H2BC4: variants seen among roughly 807,000 people sequenced by gnomAD.
H2BC4 encodes H2B clustered histone 4.
H2BC4 carries 10 observed loss-of-function variants against 6.2 expected under a neutral mutation model. The ratio of observed to expected loss-of-function variants is 1.61; its 90% CI spans 0.99 to 2.73. H2BC4 has a LOEUF of 2.73. Ranked by LOEUF, H2BC4 falls within the 30% of genes most tolerant of loss-of-function variation. The probability of loss-of-function intolerance (pLI) is 0.00; values close to 1 mark genes in which losing one functional copy is unlikely to be tolerated. For synonymous variants in H2BC4, 146 were observed against 70.7 expected (o/e 2.07, Z -5.35); for missense variants, 176 against 168.7 (o/e 1.04, Z -0.24).
rs1442730404 is a variant in H2BC4 at position 26,123,875 on chromosome 6, G to A, written c.30C>T (p.Ala10=). The part of the protein sequence containing the change: MPEPAKSAP[A]PKKGSKKAVT... ...CTGCCTTCTTGGAGCCCTTCTTCGG[G>A]GCGGGAGCAGACTTGGCTGGCTCAG... Residue 10 remains alanine, a synonymous_variant, in exon 1 of 1, where the codon GCC becomes GCT. Coordinates refer to ENST00000396984, the MANE Select transcript of H2BC4 (RefSeq NM_003526.3). The A allele has an allele frequency of 8.1e-6, 13 of 1,614,176 alleles. No homozygotes were observed. Among genetic ancestry groups the A allele is most frequent in the Non-Finnish European group, 1.1e-5 (13 of 1,180,034 alleles).
In H2BC4 at chr6:26,123,645, C is replaced by T. The variant is rs1439377363; in HGVS notation, c.260G>A (p.Arg87His). Residue 87 changes from arginine to histidine, a missense_variant, in exon 1 of 1, where the codon CGC becomes CAC. Arg to His is a conservative substitution (Grantham distance 29, BLOSUM62 0). Coordinates refer to ENST00000396984, the MANE Select transcript of H2BC4 (RefSeq NM_003526.3). Reference sequence around the variant, plus strand: ...GATCTCCCTGGAGGTGATGGTCGAGCGCTTGTTGTAATGCGCCAGGCGGGA... The same window carrying T: ...GATCTCCCTGGAGGTGATGGTCGAGTGCTTGTTGTAATGCGCCAGGCGGGA... Reference protein sequence around the residue: ...EASRLAHYNKRSTITSREIQT... With the variant: ...EASRLAHYNKHSTITSREIQT... The T allele has an allele frequency of 1.2e-6, 2 of 1,614,262 alleles. No homozygotes were observed. The highest frequency in any genetic ancestry group is 1.1e-5 in the South Asian group (1 of 91,088).
downstream of H2BC4, among the ~76,000 whole-genome samples, chr6:26,118,933 A>G (rs1581410695): frequency 6.6e-6 from 1 of 152,204 alleles, no homozygotes; most frequent in Non-Finnish European, 1.5e-5. Context: ...AATCATGGCT[A>G]TATAAAAATA....
chr6:26,118,489 G>A (rs1026908210), downstream of H2BC4, among the ~76,000 whole-genome samples: 10 of 152,170 alleles, frequency 6.6e-5, no homozygotes, highest in African/African-American at 2.4e-4. Flanking sequence ...CCTGCAAAAA[G>A]TTAGCATGCC....
At chr6:26,122,471 G>T (rs1773285), downstream of H2BC4, among the ~76,000 whole-genome samples, 24,934 of 152,156 alleles carry the variant, frequency 0.16, 2,190 homozygotes, top group African/African-American at 0.18. Flanking sequence ...AAAAGACCAT[G>T]AGTAAAATAC....
chr6:26,114,817 T>A (rs185811481), downstream of H2BC4: 1,058 of 151,938 alleles, frequency 7.0e-3, 9 homozygotes, highest in African/African-American at 0.021. Context: ...ATACATGATG[T>A]GAGATATATG....
chr6:26,123,631 A>G lies in H2BC4; in HGVS notation c.274T>C (p.Ser92Pro), dbSNP rs767421864. Residue 92 changes from serine (S) to proline (P), a missense_variant, in exon 1 of 1, where the codon TCC becomes CCC. Ser to Pro is a moderately conservative substitution (Grantham distance 74). Coordinates refer to ENST00000396984, the MANE Select transcript of H2BC4 (RefSeq NM_003526.3). The stretch of plus-strand genomic sequence containing the variant: ...CGCACGGCCGTCTGGATCTCCCTGG[A>G]GGTGATGGTCGAGCGCTTGTTGTAA... Reference protein sequence around the residue: ...AHYNKRSTITSREIQTAVRLL... With the variant: ...AHYNKRSTITPREIQTAVRLL... 2 of 1,614,078 alleles carry G rather than the reference A, an allele frequency of 1.2e-6. No individual in the cohort carries two copies. The highest frequency in any genetic ancestry group is 2.7e-5 in the African/African-American group (2 of 74,922).
At chr6:26,116,523 T>A (rs1287326779) in intron 1 of H2BC4, among the ~76,000 whole-genome samples, 1 of 151,980 alleles carries the variant, frequency 6.6e-6, no homozygotes, top group Non-Finnish European at 1.5e-5. Flanking sequence ...TAAGACCCCA[T>A]CTCTACAAAA....
At chr6:26,118,328 AAAGATCAGTTTGGTC>A (rs869176975) in intron 1 of H2BC4, among the ~76,000 whole-genome samples, 1 of 77,046 alleles carries the variant, frequency 1.3e-5, no homozygotes, top group Non-Finnish European at 3.8e-5. Flanking sequence ...CAGTTTGGTC[AAAGATCAGTTTGGTC>A]AACTTTAGTT....
At chr6:26,116,415 G>A (rs1763420783) in intron 1 of H2BC4, among the ~76,000 whole-genome samples, 1 of 152,140 alleles carries the variant, frequency 6.6e-6, no homozygotes, top group African/African-American at 2.4e-5. Flanking sequence ...AAGTGGGGCG[G>A]GGTACAGTGA....
chr6:26,116,045 CAA>C (rs1763414759), intron 1 of H2BC4, among the ~76,000 whole-genome samples: 1 of 151,938 alleles, frequency 6.6e-6, no homozygotes, highest in African/African-American at 2.4e-5. Context: ...AAAGTGAAAA[CAA>C]AAGTTTATTC....
downstream of H2BC4, chr6:26,123,336 C>CG: frequency 9.8e-7 from 1 of 1,022,684 alleles, no homozygotes; most frequent in South Asian, 1.9e-5. Context: ...TGGCTTCTTT[C>CG]GGGTTCAGGA....
chr6:26,120,268 T>C (rs1360054184), downstream of H2BC4, among the ~76,000 whole-genome samples: 2 of 152,114 alleles, frequency 1.3e-5, no homozygotes, highest in Non-Finnish European at 2.9e-5. Context: ...TTGGCCAACA[T>C]GGCGAAACCC....
downstream of H2BC4, chr6:26,123,433 T>C (rs1232280768): frequency 1.3e-6 from 2 of 1,561,512 alleles, no homozygotes; most frequent in Non-Finnish European, 1.7e-6. Flanking sequence ...CAAATAAAAT[T>C]TGGCGTCTGG....
chr6:26,114,085 G>C (rs1266504864), downstream of H2BC4, among the ~76,000 whole-genome samples: 2 of 152,024 alleles, frequency 1.3e-5, no homozygotes, highest in African/African-American at 4.8e-5. Flanking sequence ...TCAGTCCATA[G>C]TAAACACTTT....
At chr6:26,118,473 T>C (rs1763453127), downstream of H2BC4, among the ~76,000 whole-genome samples, 1 of 152,246 alleles carries the variant, frequency 6.6e-6, no homozygotes, top group African/African-American at 2.4e-5. Context: ...AGGTCCTTGT[T>C]ACAAACCTGC....
chr6:26,115,153 A>C (rs1339335416), intron 1 of H2BC4: 5 of 152,204 alleles, frequency 3.3e-5, no homozygotes, highest in Non-Finnish European at 5.9e-5. Context: ...AAAGAGAGAG[A>C]GTGATTGATT....
At chr6:26,123,459 T>A, downstream of H2BC4, 6 of 1,588,804 alleles carry the variant, frequency 3.8e-6, no homozygotes, top group Non-Finnish European at 5.1e-6. Context: ...GCTCTTTTAG[T>A]GGGTATCTGG....
At chr6:26,115,354 T>C (rs1763405588) in intron 1 of H2BC4, among the ~76,000 whole-genome samples, 2 of 152,188 alleles carry the variant, frequency 1.3e-5, no homozygotes, top group Admixed American at 6.5e-5. Flanking sequence ...CCCTGCGTTA[T>C]AGATGAGGAA....
downstream of H2BC4, among the ~76,000 whole-genome samples, chr6:26,113,201 G>A (rs886694473): frequency 1.3e-5 from 2 of 152,078 alleles, no homozygotes; most frequent in Non-Finnish European, 2.9e-5. Flanking sequence ...TTTCTCTCTA[G>A]GACCAATTTA....
Sources: gnomAD v4.1 joint callset for allele counts (sites outside exome capture counted in the v4.1 genomes callset) on GRCh38, gnomAD v4.1.1 for gene constraint, MANE v1.5 for transcripts, NCBI Gene and HGNC (gene_info 2026-07-23, HGNC 2026-07-21) for gene names.